POU6F2: variants seen among roughly 807,000 people sequenced by gnomAD.
POU6F2 encodes POU domain, class 6, transcription factor 2.
A neutral mutation model predicts 71.3 loss-of-function variants in POU6F2; 31 were observed. The ratio of observed to expected loss-of-function variants is 0.43; its 90% confidence interval spans 0.33 to 0.59. The LOEUF (loss-of-function observed/expected upper bound fraction) is 0.59. Among genes scored for constraint, POU6F2 ranks in the 20% least tolerant of loss-of-function variants. The pLI, the probability that POU6F2 is intolerant of heterozygous loss-of-function variation, is 0.04. For synonymous variants in POU6F2, 347 were observed against 355.7 expected (o/e 0.98, Z 0.27); for missense variants, 783 against 856.8 (o/e 0.91, Z 1.07).
chr7:39,318,825 A>G (rs1309053566), intron 4 of POU6F2, among the ~76,000 whole-genome samples: 1 of 152,192 alleles, frequency 6.6e-6, no homozygotes, highest in Non-Finnish European at 1.5e-5. Flanking sequence ...TAAGTAGAAC[A>G]TACAAACCCA....
intron 5 of POU6F2, among the ~76,000 whole-genome samples, chr7:39,356,590 T>C (rs1321424194): frequency 6.6e-6 from 1 of 152,246 alleles, no homozygotes. Context: ...CACACCTCTG[T>C]GTATCCCAGG....
intron 6 of POU6F2, among the ~76,000 whole-genome samples, 182 bp downstream of exon 6, chr7:39,406,922 A>AT (rs1414171628): frequency 6.6e-6 from 1 of 151,974 alleles, no homozygotes; most frequent in Non-Finnish European, 1.5e-5. Flanking sequence ...TAGAAGCAAG[A>AT]TTTTTTTCCT....
chr7:39,191,976 A>G (rs1191887800), intron 2 of POU6F2, among the ~76,000 whole-genome samples: 3 of 152,204 alleles, frequency 2.0e-5, no homozygotes, highest in Non-Finnish European at 4.4e-5. Flanking sequence ...TTGAGTTTTC[A>G]TATTCTAGAT....
chr7:39,161,279 T>G (rs1364465801), intron 2 of POU6F2, among the ~76,000 whole-genome samples: 1 of 152,228 alleles, frequency 6.6e-6, no homozygotes, highest in Non-Finnish European at 1.5e-5. Flanking sequence ...TTCCACTTCA[T>G]GTAGTACTTT....
chr7:39,183,132 G>C (rs1793467968), intron 2 of POU6F2, among the ~76,000 whole-genome samples: 1 of 152,116 alleles, frequency 6.6e-6, no homozygotes, highest in African/African-American at 2.4e-5. Flanking sequence ...GATTCTCATA[G>C]GAGCATGAAC....
At chr7:39,023,903 C>CAGTGTGATAGTTT (rs1255621360) in intron 1 of POU6F2, among the ~76,000 whole-genome samples, 6 of 152,010 alleles carry the variant, frequency 3.9e-5, no homozygotes, top group Non-Finnish European at 8.8e-5. Context: ...CTGTTTAGGT[C>CAGTGTGATAGTTT]AGTGTGATAG....
At chr7:39,143,650 A>G (rs888715097) in intron 2 of POU6F2, among the ~76,000 whole-genome samples, 3 of 152,210 alleles carry the variant, frequency 2.0e-5, no homozygotes, top group African/African-American at 4.8e-5. Flanking sequence ...GAAGACTCCC[A>G]GAGCTGAGGT....
intron 4 of POU6F2, among the ~76,000 whole-genome samples, chr7:39,269,685 A>G (rs4723834): frequency 0.65 from 99,364 of 151,782 alleles, 33,075 homozygotes; most frequent in East Asian, 0.84. Flanking sequence ...GGTCCTCTGC[A>G]AGCACCCCCT....
chr7:39,451,393 G>A, intron 7 of POU6F2, 140 bp from the exon 8 acceptor site: 1 of 839,998 alleles, frequency 1.2e-6, no homozygotes, highest in Admixed American at 3.1e-5. Flanking sequence ...ACTGCCTGCT[G>A]TGTAGGGTGC....
At chr7:39,305,134 C>T (rs1785025744) in intron 4 of POU6F2, among the ~76,000 whole-genome samples, 2 of 152,162 alleles carry the variant, frequency 1.3e-5, no homozygotes, top group Admixed American at 1.3e-4. Flanking sequence ...TCATCATTAC[C>T]ATTGTTGGAC....
At chr7:39,294,260 T>G (rs1784811279) in intron 4 of POU6F2, among the ~76,000 whole-genome samples, 1 of 151,006 alleles carries the variant, frequency 6.6e-6, no homozygotes, top group African/African-American at 2.4e-5. Context: ...TAGAAGTAGG[T>G]TTTTCCAGCC....
intron 4 of POU6F2, among the ~76,000 whole-genome samples, chr7:39,338,755 GTC>G (rs1326002210): frequency 2.0e-5 from 3 of 152,184 alleles, no homozygotes; most frequent in Non-Finnish European, 4.4e-5. Context: ...CCATTCTTAG[GTC>G]AAACTAACCA....
chr7:39,373,185 G>A (rs1471061645), intron 5 of POU6F2, among the ~76,000 whole-genome samples: 1 of 152,110 alleles, frequency 6.6e-6, no homozygotes, highest in African/African-American at 2.4e-5. Context: ...AATGCCTGAC[G>A]CATAGTGAGT....
In POU6F2 at chr7:39,021,955, C is replaced by T. The variant is rs147503350; in HGVS notation, c.105+43897C>T. Among the ~76,000 whole-genome samples, 1,497 of 152,112 alleles carry T rather than the reference C, an allele frequency of 9.8e-3. 18 individuals carry two copies. Among genetic ancestry groups the T allele is most frequent in the African/African-American group, 0.032 (1,327 of 41,526 alleles). Reference sequence around the variant, plus strand: ...ATAATATTTTCCTTCTTTTTTACTACACATATTTAGAATTTTATCTTTATT... The same window carrying T: ...ATAATATTTTCCTTCTTTTTTACTATACATATTTAGAATTTTATCTTTATT... On this transcript the variant is annotated intron_variant, in intron 1 of 9. Coordinates refer to ENST00000518318, the MANE Select transcript of POU6F2 (RefSeq NM_001370959.1).
At chr7:39,175,350 G>T (rs1173508107) in intron 2 of POU6F2, among the ~76,000 whole-genome samples, 1 of 152,014 alleles carries the variant, frequency 6.6e-6, no homozygotes, top group Non-Finnish European at 1.5e-5. Context: ...ATCAGTATAG[G>T]GTGACCATAT....
At chr7:39,044,040 C>A (rs1443152104) in intron 1 of POU6F2, among the ~76,000 whole-genome samples, 1 of 151,816 alleles carries the variant, frequency 6.6e-6, no homozygotes, top group African/African-American at 2.4e-5. Flanking sequence ...GGTTTCCAGG[C>A]CCTATCTCAG....
chr7:39,394,524 A>G (rs73695747), intron 5 of POU6F2, among the ~76,000 whole-genome samples: 1 of 152,020 alleles, frequency 6.6e-6, no homozygotes, highest in Non-Finnish European at 1.5e-5. Flanking sequence ...CCACTCATAC[A>G]TGGGCTTCCT....
intron 2 of POU6F2, among the ~76,000 whole-genome samples, chr7:39,087,168 AT>A (rs1562701013): frequency 1.3e-3 from 142 of 108,104 alleles, no homozygotes; most frequent in African/African-American, 5.7e-3. Flanking sequence ...TAATTTATTT[AT>A]TTATTTATTT....
chr7:39,283,320 G>T (rs868137818), intron 4 of POU6F2, among the ~76,000 whole-genome samples: 5 of 151,330 alleles, frequency 3.3e-5, no homozygotes, highest in African/African-American at 9.7e-5. Context: ...TATTTCAGTC[G>T]TACTAAGTAC....
Sources: allele counts gnomAD v4.1 joint callset (sites outside exome capture counted in the v4.1 genomes callset), GRCh38; gene constraint gnomAD v4.1.1; transcripts MANE v1.5; gene names NCBI Gene and HGNC (gene_info 2026-07-23, HGNC 2026-07-21).